The following SMR3B variants were observed in gnomAD, a reference collection of about 807,000 sequenced individuals.
SMR3B encodes submaxillary gland androgen-regulated protein 3B.
For synonymous variants in SMR3B, 42 were observed against 36.1 expected, an observed-to-expected ratio of 1.16 and a Z score of -0.59; for missense variants, 114 against 99.9, an observed-to-expected ratio of 1.14 and a Z score of -0.60.
At chr4:70,388,368 C>T (rs1284925186) in intron 2 of SMR3B, among the ~76,000 whole-genome samples, 1 of 152,236 alleles carries the variant, frequency 6.6e-6, no homozygotes, top group African/African-American at 2.4e-5. Context: ...CTGCCTCAGC[C>T]TCCCAAAGTG....
chr4:70,385,570 AT>A (rs529017040), intron 2 of SMR3B, among the ~76,000 whole-genome samples: 32 of 151,902 alleles, frequency 2.1e-4, no homozygotes, highest in Non-Finnish European at 4.3e-4. Context: ...CGGCCGGCTA[AT>A]TTTTTTGTAT....
At chr4:70,385,651 G>A (rs896699137) in intron 2 of SMR3B, among the ~76,000 whole-genome samples, 5 of 151,678 alleles carry the variant, frequency 3.3e-5, no homozygotes, top group South Asian at 2.1e-4. Context: ...TGATCCGCCA[G>A]CCTCGGCCTC....
intron 2 of SMR3B, among the ~76,000 whole-genome samples, chr4:70,387,975 C>A (rs1732693702): frequency 6.6e-6 from 1 of 152,066 alleles, no homozygotes; most frequent in African/African-American, 2.4e-5. Context: ...AAGGGTAATA[C>A]CAGACAAATA....
Position 70,389,698 on chromosome 4 carries a change from T to G in SMR3B, c.90T>G (p.Tyr30Ter). The stretch of plus-strand genomic sequence containing the variant: ...GTCAAAGAGGCCCCAGGGGACCATA[T>G]CCACCTGGACCGCTGGCTCCTCCTC... ...GESQRGPRGPYPPGPLAPPQP... is the reference protein window; with the variant it reads ...GESQRGPRGP Residue 30 changes from tyrosine to a stop codon, truncating the protein, a stop_gained, in exon 3 of 3, where the codon TAT becomes TAG. Coordinates refer to ENST00000304915, the MANE Select transcript of SMR3B (RefSeq NM_006685.4). LOFTEE classifies it low-confidence loss of function (END_TRUNC). The G allele has an allele frequency of 6.2e-7, 1 of 1,614,108 alleles. No homozygotes were observed. The highest frequency in any genetic ancestry group is 8.5e-7 in the Non-Finnish European group (1 of 1,180,010).
At chr4:70,385,822 T>C (rs565792015) in intron 2 of SMR3B, among the ~76,000 whole-genome samples, 2 of 152,132 alleles carry the variant, frequency 1.3e-5, no homozygotes, top group Non-Finnish European at 2.9e-5. Flanking sequence ...ACCAATAAAA[T>C]ATATTGATAT....
chr4:70,389,898 G>C lies in SMR3B; in HGVS notation c.*50G>C. 1.2e-6 allele frequency: 2 copies of C among 1,609,488 alleles called. No homozygotes were observed. ...CCAGGTTATCCACAGCCTCCTTCCCGACCAAGACCCTATCCACCTGGACCT... is the reference window on the plus strand; with the variant it reads ...CCAGGTTATCCACAGCCTCCTTCCCCACCAAGACCCTATCCACCTGGACCT... On this transcript the variant is annotated 3_prime_UTR_variant, in exon 3 of 3. Transcript: ENST00000304915.
chr4:70,389,162 C>G (rs965452362), intron 2 of SMR3B, among the ~76,000 whole-genome samples: 1 of 152,164 alleles, frequency 6.6e-6, no homozygotes, highest in Non-Finnish European at 1.5e-5. Context: ...ATCTCAGTTT[C>G]TTTGGCCACA....
intron 1 of SMR3B, among the ~76,000 whole-genome samples, chr4:70,384,025 T>C (rs545379673): frequency 8.6e-5 from 13 of 151,762 alleles, no homozygotes; most frequent in African/African-American, 2.9e-4. Flanking sequence ...CTTTTTTTTT[T>C]CCTTATTTTT....
chr4:70,388,703 T>C (rs6830567), intron 2 of SMR3B, among the ~76,000 whole-genome samples: 106,594 of 151,972 alleles, frequency 0.7, 37,705 homozygotes, highest in African/African-American at 0.77. Context: ...CTGCCTTGTA[T>C]TGTAACTCCT....
chr4:70,387,732 T>A (rs1047311123), intron 2 of SMR3B, among the ~76,000 whole-genome samples: 2 of 152,066 alleles, frequency 1.3e-5, no homozygotes, highest in African/African-American at 4.8e-5. Flanking sequence ...TAGCTCAGGA[T>A]GAGGTGGAGA....
At chr4:70,389,401 G>A (rs7695447) in intron 2 of SMR3B, among the ~76,000 whole-genome samples, 106,514 of 151,996 alleles carry the variant, frequency 0.7, 37,635 homozygotes, top group African/African-American at 0.77. Context: ...CCTCCACATG[G>A]CCCTCCCCAC....
Position 70,389,919 on chromosome 4 carries a change from G to A in SMR3B, c.*71G>A, listed in dbSNP as rs759392649. On this transcript the variant is annotated 3_prime_UTR_variant, in exon 3 of 3. Transcript: ENST00000304915. The stretch of plus-strand genomic sequence containing the variant: ...TCCCGACCAAGACCCTATCCACCTG[G>A]ACCTCCATTTTTCCCTGTAAATTCT... 4.4e-6 allele frequency: 7 copies of A among 1,606,246 alleles called. No homozygotes were observed. Among genetic ancestry groups the A allele is most frequent in the South Asian group, 1.1e-5 (1 of 90,852 alleles).
rs372321639 is a variant in SMR3B, at chr4:70,385,390, T to C, written c.54+826T>C. ...GAAACATAAAATAATTCCTTTTTCATCTACTTTGTTTTTTTTTTTTTTTTT... is the reference window on the plus strand; with the variant it reads ...GAAACATAAAATAATTCCTTTTTCACCTACTTTGTTTTTTTTTTTTTTTTT... On this transcript the variant is annotated intron_variant, in intron 2 of 2. Transcript: ENST00000304915. Among the ~76,000 whole-genome samples the C allele has an allele frequency of 7.7e-4, 112 of 145,268 alleles. 1 individual carries two copies. The highest frequency in any genetic ancestry group is 2.5e-3 in the African/African-American group (100 of 40,270).
chr4:70,385,445 C>T (rs1732643781), intron 2 of SMR3B, among the ~76,000 whole-genome samples: 1 of 143,842 alleles, frequency 7.0e-6, no homozygotes, highest in Non-Finnish European at 1.5e-5. Context: ...GCTCTGTCGC[C>T]CAGGCTGGAG....
chr4:70,385,304 T>G (rs1027868724), intron 2 of SMR3B, among the ~76,000 whole-genome samples: 27 of 151,278 alleles, frequency 1.8e-4, no homozygotes, highest in Admixed American at 1.3e-3. Flanking sequence ...ATGAAAGCTG[T>G]TTTTTTTAGA....
In SMR3B at chr4:70,384,386, A is replaced by T. The variant is rs1732617642; in HGVS notation, c.-14-111A>T. On this transcript the variant is annotated intron_variant, in intron 1 of 2. Coordinates refer to ENST00000304915, the MANE Select transcript of SMR3B (RefSeq NM_006685.4). ...AATAACATTAGGCAAATTCCCTAAA[A>T]ATGCTATAGTAGGATATTTGTATTA... is the stretch of plus-strand genomic sequence containing the variant. 4.5e-5 allele frequency: 68 copies of T among 1,518,932 alleles called. 1 individual carries two copies. The South Asian group carries it at 8.5e-4, about 19-fold the overall frequency. The allele number at this position is 1,518,932 out of a possible 1,614,324, so 94.1% of individuals were successfully genotyped here. A position where few individuals can be genotyped will look rare whatever the true frequency, so the allele number is the denominator to read the frequency against.
intron 2 of SMR3B, among the ~76,000 whole-genome samples, chr4:70,388,517 A>G (rs146764363): frequency 1.3e-5 from 2 of 152,298 alleles, no homozygotes; most frequent in African/African-American, 2.4e-5. Flanking sequence ...AAATCTGACA[A>G]TAACAACAGG....
Position 70,386,388 on chromosome 4 carries a change from T to C in SMR3B, c.54+1824T>C, listed in dbSNP as rs144334480. On this transcript the variant is annotated intron_variant, in intron 2 of 2. Transcript: ENST00000304915. ...TGAGATTCATGATGATTAATAATTA[T>C]TGAATGTTGGAAATATGAAGGGTAG... Among the ~76,000 whole-genome samples, 435 of 152,202 alleles carry C rather than the reference T, an allele frequency of 2.9e-3. 2 individuals are homozygous for C. Among genetic ancestry groups the C allele is most frequent in the African/African-American group, 9.8e-3 (405 of 41,538 alleles).
At chr4:70,389,126 A>C (rs1196273361) in intron 2 of SMR3B, among the ~76,000 whole-genome samples, 2 of 152,184 alleles carry the variant, frequency 1.3e-5, no homozygotes, top group Non-Finnish European at 2.9e-5. Context: ...ACTACCACCA[A>C]TTAGTAGCAT....
Sources: allele counts gnomAD v4.1 joint callset (sites outside exome capture counted in the v4.1 genomes callset), GRCh38; gene constraint gnomAD v4.1.1; transcripts MANE v1.5; gene names NCBI Gene and HGNC (gene_info 2026-07-23, HGNC 2026-07-21).